The following CNNM3 variants were observed in gnomAD, a reference collection of about 807,000 sequenced individuals.
The protein encoded by CNNM3 is cyclin and CBS domain divalent metal cation transport mediator 3.
In CNNM3, 47 loss-of-function variants were observed where a neutral mutation model predicts 57.1. The ratio of observed to expected loss-of-function variants is 0.82; its 90% CI spans 0.65 to 1.05. The LOEUF is 1.05. CNNM3 is among the 50% of genes least tolerant of loss of function. CNNM3 has a pLI of 0.00. For synonymous variants in CNNM3, 507 were observed against 478.2 expected (o/e 1.06, Z -0.79); for missense variants, 957 against 973.7 (o/e 0.98, Z 0.23).
At position 96,828,557 on chromosome 2, in the gene CNNM3, C is replaced by T. The variant is rs1370655179; in HGVS notation, c.1787-10C>T. The T allele has an allele frequency of 1.9e-6, 3 of 1,613,998 alleles. No homozygotes were observed. Among genetic ancestry groups the T allele is most frequent in the South Asian group, 2.2e-5 (2 of 91,082 alleles). On this transcript the variant is annotated splice_polypyrimidine_tract_variant and intron_variant, in intron 5 of 7. Coordinates refer to ENST00000305510, the MANE Select transcript of CNNM3 (RefSeq NM_017623.5). ...ATGGCTCCTGCCATCACTGATTGTT[C>T]CTTTGATAGTTCACCAGTCCCCGGT...
rs1367903844 is a variant in CNNM3, at chr2:96,817,297, C to T, written c.1020C>T (p.Ser340=). Residue 340 remains serine, a synonymous_variant, in exon 1 of 8, where the codon AGC becomes AGT. Coordinates refer to ENST00000305510, the MANE Select transcript of CNNM3 (RefSeq NM_017623.5). ...TGCTGGACTTCGGCGTCCTGGCCAGCATCATGCAGAGCGGCCACACGCGCA... is the reference window on the plus strand; with the variant it reads ...TGCTGGACTTCGGCGTCCTGGCCAGTATCATGCAGAGCGGCCACACGCGCA... ...STVLDFGVLA[S]IMQSGHTRIP... The T allele has an allele frequency of 6.2e-7, 1 of 1,613,750 alleles. No homozygotes were observed. The highest frequency in any genetic ancestry group is 2.2e-5 in the East Asian group (1 of 44,870).
chr2:96,830,620 G>T (rs1209937358), intron 7 of CNNM3, among the ~76,000 whole-genome samples: 3 of 152,242 alleles, frequency 2.0e-5, no homozygotes, highest in African/African-American at 7.2e-5. Flanking sequence ...AAGGCAGCGG[G>T]TGAGGTCGTG....
In CNNM3 at chr2:96,828,647, G is replaced by C. The variant is rs1191310582; in HGVS notation, c.1867G>C (p.Ala623Pro). 2 of 1,614,064 alleles carry C rather than the reference G, an allele frequency of 1.2e-6. No individual in the cohort carries two copies. Among genetic ancestry groups the C allele is most frequent in the African/African-American group, 2.7e-5 (2 of 74,924 alleles). ...CCCAGGTGACGGCACGCATTCATCT[G>C]CGTATTGTCCCGACTACACCGTGAG... ...PDPGDGTHSS[A>P]YCPDYTVRAL... Residue 623 changes from alanine (A) to proline (P), a missense_variant, in exon 6 of 8, where the codon GCG becomes CCG. Ala to Pro is a conservative substitution (Grantham distance 27, BLOSUM62 -1). This residue lies in a region of CNNM3 where 491 missense variants were observed against 570.6 expected (regional missense o/e 0.86). Coordinates refer to ENST00000305510, the MANE Select transcript of CNNM3 (RefSeq NM_017623.5).
rs981146132 is a variant in CNNM3, at chr2:96,834,109, G to A, written c.*1493G>A. Among the ~76,000 whole-genome samples the A allele has an allele frequency of 6.6e-6, 1 of 151,738 alleles. No individual in the cohort carries two copies. On this transcript the variant is annotated 3_prime_UTR_variant, in exon 8 of 8. Transcript: ENST00000305510. ...ATTTTTGTATTTTTAGTAGAGATGG[G>A]GTTTCACCATGTTGGCCAGGCTGAT...
In CNNM3 at chr2:96,817,113, T is replaced by C; in HGVS notation, c.836T>C (p.Leu279Pro). 7.5e-7 allele frequency: 1 copy of C among 1,341,408 alleles called. No individual in the cohort carries two copies. The highest frequency in any genetic ancestry group is 9.5e-7 in the Non-Finnish European group (1 of 1,056,626). The allele number at this position is 1,341,408 out of a possible 1,614,324, so 83.1% of individuals were successfully genotyped here. A position where few individuals can be genotyped will look rare whatever the true frequency, so the allele number is the denominator to read the frequency against. The change falls in exon 1 of 8, where the codon CTG (leucine) becomes CCG (proline). Residue 279 changes from leucine to proline, a missense_variant. By Grantham distance (98) the Leu-to-Pro change is moderately conservative (BLOSUM62 -3). Coordinates refer to ENST00000305510, the MANE Select transcript of CNNM3 (RefSeq NM_017623.5). ...VALPVGQLLE[L>P]AARPGRLRER... ...CTGCCCGTGGGGCAGCTGCTGGAGC[T>C]GGCGGCGCGGCCCGGGCGGCTGCGG...
In CNNM3 at chr2:96,816,829, G is replaced by A. The variant is rs1371918286; in HGVS notation, c.552G>A (p.Leu184=). Reference sequence around the variant, plus strand: ...CGGAGCGTGCGGCGGCGCGGCGTTTGGAGCCCGCGCGGCGCTGGGCCGGCT... The same window carrying A: ...CGGAGCGTGCGGCGGCGCGGCGTTTAGAGCCCGCGCGGCGCTGGGCCGGCT... The part of the protein sequence containing the change: ...SEAERAAARR[L]EPARRWAGCA... The change falls in exon 1 of 8, where the codon TTG becomes TTA. Residue 184 remains leucine (L), a synonymous_variant. Transcript: ENST00000305510. 29 of 1,038,176 alleles carry A rather than the reference G, an allele frequency of 2.8e-5. No homozygotes were observed. The highest frequency in any genetic ancestry group is 3.3e-5 in the Non-Finnish European group (29 of 867,668). 64.3% of individuals were successfully genotyped at this position (1,038,176 alleles called of 1,614,324 possible).
Position 96,833,874 on chromosome 2 carries a change from G to A in CNNM3, c.*1258G>A, listed in dbSNP as rs930660579. On this transcript the variant is annotated 3_prime_UTR_variant, in exon 8 of 8. Transcript: ENST00000305510. ...AGGAATAAACTCTGAGAGCAAGCCC[G>A]GGTTGGAAACAGATGCTTTAAAATC... 6 of 152,202 alleles carry A rather than the reference G, an allele frequency of 3.9e-5. No individual in the cohort carries two copies. Among genetic ancestry groups the A allele is most frequent in the African/African-American group, 9.7e-5 (4 of 41,432 alleles). The allele number at this position is 152,202 out of a possible 1,614,324, so 9.4% of individuals were successfully genotyped here.
In CNNM3 at chr2:96,828,079, C is replaced by T. The variant is rs974859500; in HGVS notation, c.1690-20C>T. 6.2e-7 allele frequency: 1 copy of T among 1,609,454 alleles called. No homozygotes were observed. Among genetic ancestry groups the T allele is most frequent in the African/African-American group, 1.3e-5 (1 of 74,768 alleles). On this transcript the variant is annotated intron_variant, in intron 4 of 7. Coordinates refer to ENST00000305510, the MANE Select transcript of CNNM3 (RefSeq NM_017623.5). ...AGGTAATCTGGCCGCATCTGTTTCT[C>T]TCCTTGCCACTCCTCCCAGGGCAGG...
At chr2:96,820,598 G>A (rs1384899634) in intron 1 of CNNM3, among the ~76,000 whole-genome samples, 1 of 152,184 alleles carries the variant, frequency 6.6e-6, no homozygotes, top group Non-Finnish European at 1.5e-5. Context: ...TGGAAGCTAA[G>A]GGAAGAGACC....
intron 1 of CNNM3, among the ~76,000 whole-genome samples, chr2:96,818,205 C>A (rs1433274604): frequency 6.6e-6 from 1 of 152,130 alleles, no homozygotes; most frequent in East Asian, 1.9e-4. Context: ...CCTGCCTCAG[C>A]CTTCGAGTAG....
chr2:96,831,944 T>C, intron 7 of CNNM3: 2 of 981,294 alleles, frequency 2.0e-6, no homozygotes, highest in Non-Finnish European at 2.4e-6. Context: ...GCTTCTCCTC[T>C]TCTTTCTCTC....
chr2:96,828,926 G>A, intron 6 of CNNM3, 70 bp from the exon 7 acceptor site: 1 of 1,593,664 alleles, frequency 6.3e-7, no homozygotes, highest in Non-Finnish European at 8.6e-7. Context: ...CGGGCACGGT[G>A]TCACCTTTCC....
Position 96,816,623 on chromosome 2 carries a change from C to T in CNNM3, c.346C>T (p.Leu116=). 8.6e-7 allele frequency: 1 copy of T among 1,162,760 alleles called. No individual in the cohort carries two copies. Among genetic ancestry groups the T allele is most frequent in the Non-Finnish European group, 1.1e-6 (1 of 944,178 alleles). 72.0% of individuals were successfully genotyped at this position (1,162,760 alleles called of 1,614,324 possible). A position where few individuals can be genotyped will look rare whatever the true frequency, so the allele number is the denominator to read the frequency against. ...CGAGGCCGTGCGCCCGCACTCGGCG[C>T]TGCTGGCGGTGCGCGTGGAGCCGGG... The part of the protein sequence containing the change: ...RAEAVRPHSA[L]LAVRVEPGGG... Residue 116 remains leucine, a synonymous_variant, in exon 1 of 8, where the codon CTG becomes TTG. Transcript: ENST00000305510.
At chr2:96,835,419 A>C (rs2079675801), downstream of CNNM3, among the ~76,000 whole-genome samples, 1 of 152,062 alleles carries the variant, frequency 6.6e-6, no homozygotes, top group African/African-American at 2.4e-5. Context: ...CGAGGAGTGT[A>C]AATGCTTGGT....
intron 4 of CNNM3, 60 bp from the exon 5 acceptor site, chr2:96,828,039 G>A: frequency 6.3e-7 from 1 of 1,582,438 alleles, no homozygotes; most frequent in Non-Finnish European, 8.7e-7. Flanking sequence ...TCCTTCCGCT[G>A]TCTTCTGACG....
intron 1 of CNNM3, 141 bp downstream of exon 1, chr2:96,817,643 G>A (rs2079344816): frequency 2.6e-6 from 2 of 777,934 alleles, no homozygotes; most frequent in Non-Finnish European, 4.2e-6. Context: ...TTTCAAGACG[G>A]TATTGGCCTT....
Position 96,827,803 on chromosome 2 carries a change from A to G in CNNM3, c.1592A>G (p.Asn531Ser). 6.2e-7 allele frequency: 1 copy of G among 1,614,164 alleles called. No homozygotes were observed. The highest frequency in any genetic ancestry group is 8.5e-7 in the Non-Finnish European group (1 of 1,180,022). Residue 531 changes from asparagine (N) to serine (S), a missense_variant, in exon 4 of 8, where the codon AAC becomes AGC. Around this residue, in one of 2 missense-constraint regions of CNNM3, gnomAD observed 491 missense variants for 570.6 expected, o/e 0.86. Transcript: ENST00000305510. The stretch of plus-strand genomic sequence containing the variant: ...CACCTGTTGAAGCATCCCAGTGTCA[A>G]CCAGGAAGTGAGGTTTGACGAGAGC... ...LLHLLKHPSV[N>S]QEVRFDESNR... is the part of the protein sequence containing the mutation.
chr2:96,825,210 A>G lies in CNNM3; in HGVS notation c.1369+9A>G, dbSNP rs760149742. ...CGAGTCTGAAGACTACCGTGAGTCC[A>G]GACTCTTGGCAGTTCTGTCTCCGCT... is the stretch of plus-strand genomic sequence containing the variant. On this transcript the variant is annotated intron_variant, in intron 2 of 7. Transcript: ENST00000305510. 6.2e-7 allele frequency: 1 copy of G among 1,613,880 alleles called. No individual in the cohort carries two copies. The highest frequency in any genetic ancestry group is 1.1e-5 in the South Asian group (1 of 91,068).
chr2:96,831,752 C>T (rs1397126443), intron 7 of CNNM3, among the ~76,000 whole-genome samples: 1 of 152,232 alleles, frequency 6.6e-6, no homozygotes, highest in Non-Finnish European at 1.5e-5. Context: ...AGGCAGTCCC[C>T]ACACTGTGCA....
Sources: gnomAD v4.1 joint callset for allele counts (sites outside exome capture counted in the v4.1 genomes callset) on GRCh38, gnomAD v4.1.1 for gene constraint, gnomAD v4.1.1 regional missense constraint, MANE v1.5 for transcripts, NCBI Gene and HGNC (gene_info 2026-07-23, HGNC 2026-07-21) for gene names.